The following SNX4 variants were observed in gnomAD, a reference collection of about 807,000 sequenced individuals.
SNX4 encodes the protein sorting nexin 4, also known as sorting nexin-4.
A neutral mutation model predicts 70.8 loss-of-function variants in SNX4; 49 were observed. That is an observed-to-expected ratio of 0.69 (90% confidence interval 0.55 to 0.88). The LOEUF (loss-of-function observed/expected upper bound fraction) is 0.88, where lower values mean the gene tolerates loss of function less well. Ranked by LOEUF, SNX4 falls within the 40% of genes least tolerant of loss-of-function variation. SNX4 has a pLI of 0.00. For synonymous variants in SNX4, 206 were observed against 183.8 expected (o/e 1.12, Z -0.98); for missense variants, 528 against 544.8 (o/e 0.97, Z 0.31).
At chr3:125,493,406 C>A (rs901096620) in intron 5 of SNX4, among the ~76,000 whole-genome samples, 1 of 152,132 alleles carries the variant, frequency 6.6e-6, no homozygotes, top group Non-Finnish European at 1.5e-5. Flanking sequence ...GTAATCCCAG[C>A]ACTTTGGGAG....
At chr3:125,487,360 C>T (rs1934553594) in intron 6 of SNX4, among the ~76,000 whole-genome samples, 3 of 152,048 alleles carry the variant, frequency 2.0e-5, no homozygotes, top group African/African-American at 7.2e-5. Context: ...ACTTAAAATT[C>T]TACACACAAT....
At chr3:125,457,647 G>C (rs925558261) in intron 10 of SNX4, among the ~76,000 whole-genome samples, 3 of 143,906 alleles carry the variant, frequency 2.1e-5, no homozygotes, top group Admixed American at 7.4e-5. Flanking sequence ...GCGCGATCTC[G>C]GCTCACTGCA....
At chr3:125,496,244 T>A (rs776896532) in intron 5 of SNX4, among the ~76,000 whole-genome samples, 1 of 152,170 alleles carries the variant, frequency 6.6e-6, no homozygotes, top group African/African-American at 2.4e-5. Context: ...CAGTGAGCCA[T>A]GATCACACCA....
At chr3:125,500,799 C>CAAAAAAAAAAAAAAAAAAAAAA (rs770336677) in intron 2 of SNX4, among the ~76,000 whole-genome samples, 4 of 29,316 alleles carry the variant, frequency 1.4e-4, no homozygotes, top group Non-Finnish European at 1.8e-4. Context: ...GACTCCGTCT[C>CAAAAAAAAAAAAAAAAAAAAAA]AAAAAAAAAA....
chr3:125,473,693 G>C (rs1367967861), intron 8 of SNX4, among the ~76,000 whole-genome samples: 2 of 152,168 alleles, frequency 1.3e-5, no homozygotes, highest in African/African-American at 2.4e-5. Flanking sequence ...GGGATTACAG[G>C]CATGAGCCAC....
intron 10 of SNX4, among the ~76,000 whole-genome samples, chr3:125,459,720 G>A (rs1299736998): frequency 6.6e-6 from 1 of 152,054 alleles, no homozygotes; most frequent in Non-Finnish European, 1.5e-5. Flanking sequence ...ATTCAGGCAG[G>A]AGCCACCTCA....
intron 2 of SNX4, among the ~76,000 whole-genome samples, chr3:125,500,799 C>CAAAAAAAAA (rs770336677): frequency 4.8e-4 from 14 of 29,302 alleles, no homozygotes; most frequent in Admixed American, 6.4e-4. Flanking sequence ...GACTCCGTCT[C>CAAAAAAAAA]AAAAAAAAAA....
chr3:125,516,003 C>T (rs1405617040), intron 1 of SNX4, among the ~76,000 whole-genome samples: 1 of 152,184 alleles, frequency 6.6e-6, no homozygotes, highest in East Asian at 1.9e-4. Context: ...ATGCCTCAAA[C>T]CTTACCGACA....
chr3:125,513,325 C>G (rs1017360771), intron 1 of SNX4, among the ~76,000 whole-genome samples: 2 of 152,156 alleles, frequency 1.3e-5, no homozygotes, highest in Admixed American at 1.3e-4. Context: ...TTCCCAGCCT[C>G]GAAGACTGTA....
rs1935379309 is a variant in SNX4 at position 125,520,174 on chromosome 3, G to A, written c.-2C>T. 6 of 1,373,844 alleles carry A rather than the reference G, an allele frequency of 4.4e-6. No individual in the cohort carries two copies. The highest frequency in any genetic ancestry group is 4.1e-5 in the Admixed American group (1 of 24,550). The allele number at this position is 1,373,844 out of a possible 1,614,324, so 85.1% of individuals were successfully genotyped here. A position where few individuals can be genotyped will look rare whatever the true frequency, so the allele number is the denominator to read the frequency against. ...GGGGTCCGGAGGTGCCTGCTCCATG[G>A]CTGCAGTTCGGCGCGGCGAACCCAG... On this transcript the variant is annotated 5_prime_UTR_variant, in exon 1 of 14. Coordinates refer to ENST00000251775, the MANE Select transcript of SNX4 (RefSeq NM_003794.4).
In SNX4 at chr3:125,460,865, T is replaced by C; in HGVS notation, c.855-5A>G. 1 of 1,379,322 alleles carries C rather than the reference T, an allele frequency of 7.2e-7. No homozygotes were observed. The highest frequency in any genetic ancestry group is 1.3e-5 in the South Asian group (1 of 75,018). 85.4% of individuals were successfully genotyped at this position (1,379,322 alleles called of 1,614,324 possible). The stretch of plus-strand genomic sequence containing the variant: ...TCATCAATAGAAGATGCATACCTGT[T>C]TTAAAAAAAAAAACACACATTGCAT... On this transcript the variant is annotated splice_polypyrimidine_tract_variant and splice_region_variant and intron_variant, in intron 9 of 13. Transcript: ENST00000251775.
Position 125,457,127 on chromosome 3 carries a change from C to T in SNX4, c.1044+139G>A, listed in dbSNP as rs1933737343. Reference sequence around the variant, plus strand: ...TATAAAGTTACTCACAAATTATTCCCCTGTAAAAGGTTCAGCCGTCCTGAG... The same window carrying T: ...TATAAAGTTACTCACAAATTATTCCTCTGTAAAAGGTTCAGCCGTCCTGAG... On this transcript the variant is annotated intron_variant, in intron 11 of 13. Coordinates refer to ENST00000251775, the MANE Select transcript of SNX4 (RefSeq NM_003794.4). The T allele has an allele frequency of 1.4e-5, 9 of 631,122 alleles. No homozygotes were observed. In the South Asian group the frequency reaches 1.6e-4, roughly 11 times the overall value. 39.1% of individuals were successfully genotyped at this position (631,122 alleles called of 1,614,324 possible). A position where few individuals can be genotyped will look rare whatever the true frequency, so the allele number is the denominator to read the frequency against.
chr3:125,500,976 G>C (rs7645644), intron 2 of SNX4, among the ~76,000 whole-genome samples: 2 of 151,194 alleles, frequency 1.3e-5, no homozygotes, highest in Non-Finnish European at 2.9e-5. Context: ...CTTGTATCCA[G>C]AAGGTAGGTA....
At chr3:125,469,352 T>G in intron 9 of SNX4, 102 bp downstream of exon 9, 1 of 773,844 alleles carries the variant, frequency 1.3e-6, no homozygotes, top group Non-Finnish European at 2.2e-6. Flanking sequence ...GAGCGCAATA[T>G]AAATGCCAGC....
rs1304983359 is a variant in SNX4 at position 125,520,139 on chromosome 3, G to A, written c.34C>T (p.Leu12Phe). 6.9e-6 allele frequency: 10 copies of A among 1,452,370 alleles called. No homozygotes were observed. Among genetic ancestry groups the A allele is most frequent in the Admixed American group, 3.1e-5 (1 of 32,222 alleles). The allele number at this position is 1,452,370 out of a possible 1,614,324, so 90.0% of individuals were successfully genotyped here. The change falls in exon 1 of 14, where the codon CTC becomes TTC. Residue 12 changes from leucine (L) to phenylalanine (F), a missense_variant. Transcript: ENST00000251775. ...AGCGGCTCCAAGGGCGCCGGCTGGA[G>A]CTGCCGCTCGGGGTCCGGAGGTGCC... ...EQAPPDPERQLQPAPLEPLGS... is the reference protein window; with the variant it reads ...EQAPPDPERQFQPAPLEPLGS...
intron 12 of SNX4, among the ~76,000 whole-genome samples, chr3:125,453,057 G>A (rs1933617923): frequency 6.6e-6 from 1 of 152,188 alleles, no homozygotes; most frequent in Non-Finnish European, 1.5e-5. Context: ...ACAAAAATAA[G>A]AAAAATGAGT....
In SNX4 at chr3:125,504,677, C is replaced by T. The variant is rs756783522; in HGVS notation, c.209G>A (p.Gly70Glu). 8.1e-6 allele frequency: 13 copies of T among 1,613,998 alleles called. No homozygotes were observed. The South Asian group carries it at 9.9e-5, about 12-fold the overall frequency. Residue 70 changes from glycine (G) to glutamate (E), a missense_variant, in exon 2 of 14, where the codon GGA becomes GAA. By Grantham distance (98) the Gly-to-Glu change is moderately conservative. This residue lies in a region of SNX4 where 341 missense variants were observed against 312.2 expected (regional missense o/e 1.09). Transcript: ENST00000251775. Reference sequence around the variant, plus strand: ...TTCTTGCATGTTCATGGCATTTCTTCCAGTTCGTTTTTCTGCTTCTGAAAC... The same window carrying T: ...TTCTTGCATGTTCATGGCATTTCTTTCAGTTCGTTTTTCTGCTTCTGAAAC... Reference protein sequence around the residue: ...ISVSEAEKRTGRNAMNMQETY... With the variant: ...ISVSEAEKRTERNAMNMQETY...
chr3:125,492,107 C>CAAAAAA (rs60558490), intron 5 of SNX4, among the ~76,000 whole-genome samples: 3 of 47,404 alleles, frequency 6.3e-5, no homozygotes, highest in African/African-American at 1.4e-4. Context: ...GACTCCATCT[C>CAAAAAA]AAAAAAAAAA....
At position 125,451,885 on chromosome 3, in the gene SNX4, C is replaced by G. The variant is rs1380109724; in HGVS notation, c.1191-466G>C. 2.6e-5 allele frequency among the ~76,000 whole-genome samples: 4 copies of G among 152,238 alleles called. No homozygotes were observed. The East Asian group carries it at 7.7e-4, about 29-fold the overall frequency. On this transcript the variant is annotated intron_variant, in intron 12 of 13. Transcript: ENST00000251775. ...CAGGTGATCTGCCCACCTCAGCCTC[C>G]CAAACTGCTGGGATTACAGCGTGAG...
Sources: gnomAD v4.1 joint callset for allele counts (sites outside exome capture counted in the v4.1 genomes callset) on GRCh38, gnomAD v4.1.1 for gene constraint, gnomAD v4.1.1 regional missense constraint, MANE v1.5 for transcripts, NCBI Gene and HGNC (gene_info 2026-07-23, HGNC 2026-07-21) for gene names.